The following CLIC5 variants were observed in gnomAD, a reference collection of about 807,000 sequenced individuals.
CLIC5 encodes the protein CLIC family member 5.
A neutral mutation model predicts 24.7 loss-of-function variants in CLIC5; 20 were observed. That is an observed-to-expected ratio of 0.81 (90% CI 0.57 to 1.18). The LOEUF is 1.18. Among genes scored for constraint, CLIC5 ranks in the 50% most tolerant of loss-of-function variants. The pLI, the probability that CLIC5 is intolerant of heterozygous loss-of-function variation, is 0.00. For missense variants in CLIC5, 341 were observed against 326.1 expected, an observed-to-expected ratio of 1.05 and a Z score of -0.35; for synonymous variants, 159 against 135.6, an observed-to-expected ratio of 1.17 and a Z score of -1.20.
At chr6:46,006,037 T>TATACACAC (rs1561998761) in intron 1 of CLIC5, among the ~76,000 whole-genome samples, 2 of 138,472 alleles carry the variant, frequency 1.4e-5, no homozygotes, top group Non-Finnish European at 3.0e-5. Flanking sequence ...TAAATATATA[T>TATACACAC]ACATGTATAA....
At chr6:46,031,798 G>GA (rs1002734089) in intron 1 of CLIC5, among the ~76,000 whole-genome samples, 34 of 146,868 alleles carry the variant, frequency 2.3e-4, no homozygotes, top group African/African-American at 2.5e-4. Context: ...GTTGTTAAGT[G>GA]AAAAAAAAAT....
At chr6:45,930,842 G>T (rs1038572183) in intron 4 of CLIC5, among the ~76,000 whole-genome samples, 2 of 152,168 alleles carry the variant, frequency 1.3e-5, no homozygotes, top group African/African-American at 4.8e-5. Flanking sequence ...TCAAGAGAGG[G>T]TGCTATTACA....
chr6:46,121,561 G>A, the CLIC5 span, among the ~76,000 whole-genome samples: 4 of 152,160 alleles, frequency 2.6e-5, no homozygotes, highest in African/African-American at 9.7e-5. Context: ...ATAATGACAG[G>A]ATCAAATTCA....
intron 1 of CLIC5, among the ~76,000 whole-genome samples, chr6:46,023,103 T>C (rs1767230427): frequency 6.6e-6 from 1 of 152,234 alleles, no homozygotes; most frequent in African/African-American, 2.4e-5. Context: ...CCAGCACTTC[T>C]ATTTGAAGTC....
intron 1 of CLIC5, among the ~76,000 whole-genome samples, chr6:46,009,825 C>T (rs1252792635): frequency 6.6e-6 from 1 of 152,156 alleles, no homozygotes; most frequent in Admixed American, 6.5e-5. Flanking sequence ...TATGTAGGAG[C>T]TTTCTTGGAT....
chr6:46,058,731 C>T (rs573186851), intron 1 of CLIC5, among the ~76,000 whole-genome samples: 1 of 152,214 alleles, frequency 6.6e-6, no homozygotes, highest in South Asian at 2.1e-4. Context: ...CCTGGTATGG[C>T]TTCTTGTACT....
At chr6:46,034,237 G>T (rs182662976) in intron 1 of CLIC5, among the ~76,000 whole-genome samples, 1 of 152,146 alleles carries the variant, frequency 6.6e-6, no homozygotes, top group Non-Finnish European at 1.5e-5. Context: ...TGATTTCATT[G>T]GTCTGGCATG....
chr6:46,095,288 T>C, the CLIC5 span, among the ~76,000 whole-genome samples: 1 of 152,110 alleles, frequency 6.6e-6, no homozygotes, highest in Admixed American at 6.6e-5. Context: ...GCTCCTCTTA[T>C]GCAAATTTCT....
chr6:46,108,507 C>T, the CLIC5 span, among the ~76,000 whole-genome samples: 2 of 151,904 alleles, frequency 1.3e-5, no homozygotes, highest in East Asian at 3.9e-4. Context: ...AGCGATTCTC[C>T]TGCCTCAGCC....
At chr6:46,082,032 CT>C (rs567694857), upstream of CLIC5, among the ~76,000 whole-genome samples, 4 of 152,082 alleles carry the variant, frequency 2.6e-5, no homozygotes, top group Admixed American at 1.3e-4. Flanking sequence ...AAAAGAGTAA[CT>C]TTTTTTTCTT....
the CLIC5 span, among the ~76,000 whole-genome samples, chr6:46,097,934 A>G: frequency 1.3e-5 from 2 of 152,128 alleles, no homozygotes; most frequent in African/African-American, 2.4e-5. Flanking sequence ...GATGGGGTGT[A>G]CACACGTCTT....
rs527385070 is a variant in CLIC5, at chr6:45,959,923, A to AT, written c.64-4680dup. ...ATCAAGGACATTCATAATTGAGGCT[A>AT]TTTTTTTTTTCTGCACATGCATGAC... On this transcript the variant is annotated intron_variant, in intron 1 of 5. Coordinates refer to ENST00000339561, the MANE Select transcript of CLIC5 (RefSeq NM_016929.5). Among the ~76,000 whole-genome samples, 1,263 of 150,078 alleles carry AT rather than the reference A, an allele frequency of 8.4e-3. 18 individuals are homozygous for AT. The highest frequency in any genetic ancestry group is 0.029 in the Admixed American group (442 of 15,082).
chr6:46,026,095 C>G lies in CLIC5; in HGVS notation c.540+53608G>C, dbSNP rs140926317. On this transcript the variant is annotated intron_variant, in intron 1 of 5. Coordinates refer to the CLIC5 transcript ENST00000185206. ...ATTTCACTGTTTCTCCCTGGTATGG[C>G]ATGAGCTCTTTGAGCAACATAAGAA... Among the ~76,000 whole-genome samples the G allele has an allele frequency of 8.5e-3, 1,293 of 152,276 alleles. 6 individuals carry two copies. Among genetic ancestry groups the G allele is most frequent in the Admixed American group, 0.013 (202 of 15,290 alleles).
At chr6:45,932,489 C>T (rs182629028) in intron 4 of CLIC5, among the ~76,000 whole-genome samples, 11 of 152,316 alleles carry the variant, frequency 7.2e-5, no homozygotes, top group Non-Finnish European at 1.0e-4. Flanking sequence ...TTGCTTAATA[C>T]GTTTACTTTA....
the CLIC5 span, among the ~76,000 whole-genome samples, chr6:46,093,568 A>G: frequency 6.6e-6 from 1 of 152,218 alleles, no homozygotes; most frequent in Non-Finnish European, 1.5e-5. Context: ...AATTAAAACT[A>G]CAATGAGATC....
chr6:46,030,812 T>C (rs1767478068), intron 1 of CLIC5, among the ~76,000 whole-genome samples: 1 of 152,244 alleles, frequency 6.6e-6, no homozygotes, highest in Non-Finnish European at 1.5e-5. Flanking sequence ...CAGCACCCTG[T>C]GCAAACCTCT....
the CLIC5 span, among the ~76,000 whole-genome samples, chr6:46,095,330 G>A: frequency 0.02 from 3,109 of 152,198 alleles, 123 homozygotes; most frequent in African/African-American, 0.071. Context: ...CCTGAAAATG[G>A]GTTTTTCCTT....
At chr6:46,105,616 T>C in the CLIC5 span, among the ~76,000 whole-genome samples, 2 of 152,156 alleles carry the variant, frequency 1.3e-5, no homozygotes, top group Non-Finnish European at 2.9e-5. Flanking sequence ...CTTAAGAAAC[T>C]CAGAAAAAGG....
intron 5 of CLIC5, chr6:45,912,140 T>A: frequency 1.0e-6 from 1 of 986,858 alleles, no homozygotes; most frequent in Non-Finnish European, 1.2e-6. Flanking sequence ...CAGCCCAGAT[T>A]AAGTTTTGGC....
Sources: gnomAD v4.1 joint callset for allele counts (sites outside exome capture counted in the v4.1 genomes callset) on GRCh38, gnomAD v4.1.1 for gene constraint, MANE v1.5 for transcripts, NCBI Gene and HGNC (gene_info 2026-07-23, HGNC 2026-07-21) for gene names.